The following OSBPL11 variants were observed in gnomAD, a reference collection of about 807,000 sequenced individuals.
The protein encoded by OSBPL11 is oxysterol-binding protein-related protein 11.
Under a neutral mutation model 84.4 loss-of-function variants are expected in OSBPL11, and 33 were observed. The ratio of observed to expected loss-of-function variants is 0.39; its 90% confidence interval spans 0.30 to 0.52. The LOEUF (loss-of-function observed/expected upper bound fraction) is 0.52, where lower values mean the gene tolerates loss of function less well. Among genes scored for constraint, OSBPL11 ranks in the 20% least tolerant of loss-of-function variants. OSBPL11 has a pLI of 0.72. For synonymous variants in OSBPL11, 276 were observed against 310.2 expected, an observed-to-expected ratio of 0.89 and a Z score of 1.16; for missense variants, 736 against 901.1, an observed-to-expected ratio of 0.82 and a Z score of 2.35.
chr3:125,561,138 C>T (rs1172522140), intron 7 of OSBPL11, among the ~76,000 whole-genome samples: 1 of 152,088 alleles, frequency 6.6e-6, no homozygotes, highest in Non-Finnish European at 1.5e-5. Flanking sequence ...GCTGGGACTA[C>T]AGGCATACAC....
Position 125,545,252 on chromosome 3 carries a change from A to G in OSBPL11, c.1841+2154T>C, listed in dbSNP as rs1014495012. On this transcript the variant is annotated intron_variant, in intron 10 of 12. Transcript: ENST00000296220. ...ATCCCTTTAGAATTTAGTGCCAGGA[A>G]AACAGTTTGTCTATCTCGAAAAAGT... Among the ~76,000 whole-genome samples, 9 of 152,354 alleles carry G rather than the reference A, an allele frequency of 5.9e-5. No individual in the cohort carries two copies. In the South Asian group the frequency reaches 1.9e-3, roughly 32 times the overall value.
chr3:125,563,643 T>C, intron 7 of OSBPL11, 55 bp downstream of exon 7: 2 of 1,576,956 alleles, frequency 1.3e-6, no homozygotes, highest in Non-Finnish European at 1.7e-6. Context: ...AAACTGACCC[T>C]TTTTCAGTGA....
At chr3:125,558,270 T>C (rs1307915553) in intron 8 of OSBPL11, among the ~76,000 whole-genome samples, 1 of 152,190 alleles carries the variant, frequency 6.6e-6, no homozygotes, top group Non-Finnish European at 1.5e-5. Flanking sequence ...GCAAATCTAC[T>C]CAGGGACTGC....
intron 8 of OSBPL11, among the ~76,000 whole-genome samples, chr3:125,556,182 C>G (rs1481893307): frequency 6.6e-6 from 1 of 152,214 alleles, no homozygotes; most frequent in Non-Finnish European, 1.5e-5. Flanking sequence ...AAAGGAAATA[C>G]TGGTCCAGAT....
At chr3:125,578,147 A>C (rs1302607049) in intron 4 of OSBPL11, among the ~76,000 whole-genome samples, 1 of 152,222 alleles carries the variant, frequency 6.6e-6, no homozygotes, top group Non-Finnish European at 1.5e-5. Flanking sequence ...TTGATGGATT[A>C]AAAAAGTAGT....
chr3:125,543,810 GA>G (rs1559836434), intron 10 of OSBPL11, among the ~76,000 whole-genome samples: 1 of 152,070 alleles, frequency 6.6e-6, no homozygotes, highest in South Asian at 2.1e-4. Flanking sequence ...TGGGGCAGAA[GA>G]ACAGCTTGAA....
intron 8 of OSBPL11, among the ~76,000 whole-genome samples, chr3:125,557,953 C>T (rs1283474129): frequency 6.6e-6 from 1 of 151,764 alleles, no homozygotes; most frequent in African/African-American, 2.4e-5. Flanking sequence ...CCACCATGCC[C>T]AGCTAATTTT....
chr3:125,586,075 T>C (rs574806179), intron 1 of OSBPL11, among the ~76,000 whole-genome samples: 11 of 152,116 alleles, frequency 7.2e-5, no homozygotes, highest in Non-Finnish European at 1.2e-4. Context: ...ACCCCATCTC[T>C]AAAAACAGTA....
intron 2 of OSBPL11, among the ~76,000 whole-genome samples, chr3:125,580,366 T>C (rs572353580): frequency 6.6e-6 from 1 of 151,626 alleles, no homozygotes; most frequent in Non-Finnish European, 1.5e-5. Context: ...AATACAAAAT[T>C]AGCCAGGTGT....
chr3:125,578,265 C>G (rs545707806), intron 4 of OSBPL11, among the ~76,000 whole-genome samples: 4 of 152,232 alleles, frequency 2.6e-5, no homozygotes, highest in African/African-American at 7.2e-5. Context: ...AAATGAAAGA[C>G]ACCAGATACA....
intron 1 of OSBPL11, among the ~76,000 whole-genome samples, chr3:125,593,672 T>C (rs541112640): frequency 7.9e-5 from 12 of 152,192 alleles, no homozygotes; most frequent in African/African-American, 2.4e-4. Context: ...TATGTTAATA[T>C]AGTCATGCAT....
chr3:125,591,172 T>A (rs1936589950), intron 1 of OSBPL11, among the ~76,000 whole-genome samples: 1 of 152,232 alleles, frequency 6.6e-6, no homozygotes, highest in Non-Finnish European at 1.5e-5. Context: ...TAGCTGGACA[T>A]ACCTAAAACC....
At chr3:125,573,701 A>G (rs1279096730) in intron 5 of OSBPL11, among the ~76,000 whole-genome samples, 1 of 151,612 alleles carries the variant, frequency 6.6e-6, no homozygotes, top group East Asian at 1.9e-4. Flanking sequence ...CATCTCTACT[A>G]AAAAAATACA....
chr3:125,574,523 A>G (rs922122170), intron 5 of OSBPL11, among the ~76,000 whole-genome samples: 1 of 150,168 alleles, frequency 6.7e-6, no homozygotes. Context: ...TTCAGATGTG[A>G]AAGAATGACA....
intron 5 of OSBPL11, among the ~76,000 whole-genome samples, chr3:125,573,944 A>G (rs539456137): frequency 4.6e-5 from 7 of 151,286 alleles, no homozygotes; most frequent in African/African-American, 1.5e-4. Flanking sequence ...CACTAAACTT[A>G]CCCACAGATT....
chr3:125,529,460 A>G lies in OSBPL11; in HGVS notation c.*1055T>C, dbSNP rs368143362. Reference sequence around the variant, plus strand: ...ATTTAAATTTCCTCAAAAAAAAAAAAAATAAATAAAACCATACCTTACATG... The same window carrying G: ...ATTTAAATTTCCTCAAAAAAAAAAAGAATAAATAAAACCATACCTTACATG... On this transcript the variant is annotated 3_prime_UTR_variant, in exon 13 of 13. Coordinates refer to ENST00000296220, the MANE Select transcript of OSBPL11 (RefSeq NM_022776.5). The G allele has an allele frequency of 1.4e-5, 1 of 70,904 alleles. No homozygotes were observed. The highest frequency in any genetic ancestry group is 1.3e-4 in the African/African-American group (1 of 7,916). 4.4% of individuals were successfully genotyped at this position (70,904 alleles called of 1,614,324 possible).
At chr3:125,569,928 T>C (rs890294507) in intron 5 of OSBPL11, among the ~76,000 whole-genome samples, 1 of 152,204 alleles carries the variant, frequency 6.6e-6, no homozygotes, top group Non-Finnish European at 1.5e-5. Context: ...GGCACAGAAG[T>C]GGCCCTAGGG....
rs1208698397 is a variant in OSBPL11, at chr3:125,595,383, G to A, written c.-583C>T. ...CCGGCTCCCGGGGCCGCCTCTCCCAGGGCCAGAGGCGAGCCACTCGGGACA... is the reference window on the plus strand; with the variant it reads ...CCGGCTCCCGGGGCCGCCTCTCCCAAGGCCAGAGGCGAGCCACTCGGGACA... On this transcript the variant is annotated 5_prime_UTR_variant, in exon 1 of 13. Coordinates refer to ENST00000296220, the MANE Select transcript of OSBPL11 (RefSeq NM_022776.5). Among the ~76,000 whole-genome samples, 1 of 152,150 alleles carries A rather than the reference G, an allele frequency of 6.6e-6. No homozygotes were observed. The highest frequency in any genetic ancestry group is 2.1e-4 in the South Asian group (1 of 4,836).
chr3:125,554,479 C>T (rs566182288), intron 8 of OSBPL11, among the ~76,000 whole-genome samples: 3 of 152,276 alleles, frequency 2.0e-5, no homozygotes, highest in East Asian at 3.9e-4. Flanking sequence ...CAATGAAAAA[C>T]ATAGGCGCCA....
Sources: allele counts gnomAD v4.1 joint callset (sites outside exome capture counted in the v4.1 genomes callset), GRCh38; gene constraint gnomAD v4.1.1; transcripts MANE v1.5; gene names NCBI Gene and HGNC (gene_info 2026-07-23, HGNC 2026-07-21).